Variants in MKLN1 observed in about 807,000 individuals in gnomAD.
MKLN1 encodes muskelin 1.
MKLN1 carries 18 observed loss-of-function variants against 99.0 expected under a neutral mutation model. That is an observed-to-expected ratio of 0.18 (90% CI 0.13 to 0.27). MKLN1 has a LOEUF of 0.27. Ranked by LOEUF, MKLN1 falls within the 10% of genes least tolerant of loss-of-function variation. The probability of loss-of-function intolerance (pLI) is 1.00; values close to 1 mark genes in which losing one functional copy is unlikely to be tolerated. For synonymous variants in MKLN1, 288 were observed against 293.2 expected (o/e 0.98, Z 0.18); for missense variants, 621 against 875.9 (o/e 0.71, Z 3.67).
chr7:131,211,539 T>TG (rs1796906045), intron 3 of MKLN1, among the ~76,000 whole-genome samples: 1 of 152,146 alleles, frequency 6.6e-6, no homozygotes, highest in Non-Finnish European at 1.5e-5. Context: ...CCATGATGCT[T>TG]GGGGTTTTTG....
At chr7:131,141,809 G>GAA (rs1435416709) in intron 1 of MKLN1, among the ~76,000 whole-genome samples, 3 of 152,134 alleles carry the variant, frequency 2.0e-5, no homozygotes, top group African/African-American at 7.2e-5. Flanking sequence ...TATCACAGCT[G>GAA]ACTTTCCTGT....
At chr7:131,452,401 A>G (rs1796205462) in intron 12 of MKLN1, among the ~76,000 whole-genome samples, 1 of 152,154 alleles carries the variant, frequency 6.6e-6, no homozygotes, top group African/African-American at 2.4e-5. Context: ...AACTTGATTT[A>G]TCTATAAATA....
At chr7:131,262,447 G>T (rs540669319) in intron 3 of MKLN1, among the ~76,000 whole-genome samples, 5 of 152,056 alleles carry the variant, frequency 3.3e-5, no homozygotes, top group Middle Eastern at 3.4e-3. Context: ...AAAAATAAAA[G>T]AAAAGAATAA....
intron 2 of MKLN1, among the ~76,000 whole-genome samples, chr7:131,173,320 CAT>C (rs1312429661): frequency 1.3e-5 from 2 of 152,124 alleles, no homozygotes; most frequent in Non-Finnish European, 2.9e-5. Flanking sequence ...CATTCTGACT[CAT>C]GTGAAATGAT....
In MKLN1 at chr7:131,255,880, CTATTTATTTATTTATTTATT is replaced by C. The variant is rs3077583; in HGVS notation, c.-179+52928_-179+52947del. 4.4e-5 allele frequency among the ~76,000 whole-genome samples: 6 copies of C among 135,276 alleles called. No homozygotes were observed. The South Asian group carries it at 7.6e-4, about 17-fold the overall frequency. The allele number at this position is 135,276 out of a possible 152,430, so 88.7% of individuals were successfully genotyped here. A position where few individuals can be genotyped will look rare whatever the true frequency, so the allele number is the denominator to read the frequency against. ...ACAGGTGTGAGCCACTGTGCCCGAC[CTATTTATTTATTTATTTATT>C]TATTTATTTATTTATTTATTTTGGA... On this transcript the variant is annotated intron_variant, in intron 3 of 7. Transcript: ENST00000416992.
At chr7:131,465,267 A>G (rs1796625315) in intron 14 of MKLN1, among the ~76,000 whole-genome samples, 1 of 152,146 alleles carries the variant, frequency 6.6e-6, no homozygotes. Context: ...ATGCTTTTGT[A>G]TACATACAGA....
At chr7:131,365,526 G>A (rs569707792) in intron 1 of MKLN1, among the ~76,000 whole-genome samples, 15 of 152,200 alleles carry the variant, frequency 9.9e-5, no homozygotes, top group South Asian at 2.1e-4. Context: ...CTGTTCTTAC[G>A]TCCAGGGTGG....
chr7:131,243,020 T>C (rs1328564319), intron 3 of MKLN1: 7 of 570,298 alleles, frequency 1.2e-5, no homozygotes, highest in Non-Finnish European at 2.3e-5. Flanking sequence ...GTTTTGGTCA[T>C]TAAAAATTAA....
At chr7:131,439,359 T>C (rs1407253374) in intron 10 of MKLN1, among the ~76,000 whole-genome samples, 1 of 152,176 alleles carries the variant, frequency 6.6e-6, no homozygotes, top group Non-Finnish European at 1.5e-5. Context: ...GTGTGGCCTT[T>C]GTTTCTCTTG....
intron 8 of MKLN1, among the ~76,000 whole-genome samples, chr7:131,423,108 C>T (rs1288234743): frequency 6.6e-6 from 1 of 152,052 alleles, no homozygotes; most frequent in East Asian, 1.9e-4. Flanking sequence ...TAGGCTGTTC[C>T]TTGTTGTGTA....
chr7:131,323,150 T>C (rs911632090), upstream of MKLN1, among the ~76,000 whole-genome samples: 3 of 152,140 alleles, frequency 2.0e-5, no homozygotes, highest in Admixed American at 6.5e-5. Context: ...TTGTTCCTTC[T>C]GCTCTAAATT....
chr7:131,201,599 T>G lies in MKLN1; in HGVS notation c.-296-1258T>G, dbSNP rs1451402878. ...TTTTTACAATTAGAATCATCATCCG[T>G]CTTGTATACTGTATCTACTTTGGTG... is the stretch of plus-strand genomic sequence containing the variant. On this transcript the variant is annotated intron_variant, in intron 2 of 7. Transcript: ENST00000416992. 5.3e-5 allele frequency among the ~76,000 whole-genome samples: 8 copies of G among 152,328 alleles called. No homozygotes were observed. The East Asian group carries it at 1.5e-3, about 29-fold the overall frequency.
chr7:131,169,764 C>T (rs974661677), intron 2 of MKLN1, among the ~76,000 whole-genome samples: 5 of 152,122 alleles, frequency 3.3e-5, no homozygotes, highest in African/African-American at 9.7e-5. Context: ...TTTAATAACT[C>T]ATTTATTTTC....
chr7:131,423,698 T>C (rs189931295), intron 8 of MKLN1, among the ~76,000 whole-genome samples: 16 of 152,330 alleles, frequency 1.1e-4, no homozygotes, highest in African/African-American at 3.6e-4. Context: ...TAAAGAAACT[T>C]TTGAAGAGAG....
intron 12 of MKLN1, among the ~76,000 whole-genome samples, chr7:131,456,171 T>A (rs540773930): frequency 6.6e-6 from 1 of 152,306 alleles, no homozygotes; most frequent in African/African-American, 2.4e-5. Flanking sequence ...AAAGCTGCTT[T>A]CTTGGTTTTG....
At chr7:131,116,877 G>C (rs1176369578) in intron 1 of MKLN1, among the ~76,000 whole-genome samples, 2 of 152,122 alleles carry the variant, frequency 1.3e-5, no homozygotes, top group African/African-American at 4.8e-5. Context: ...GCCAGGCTGG[G>C]AAGCAGGCAC....
intron 1 of MKLN1, among the ~76,000 whole-genome samples, chr7:131,138,018 C>G (rs552865935): frequency 1.3e-5 from 2 of 151,018 alleles, no homozygotes; most frequent in South Asian, 4.2e-4. Context: ...CTCCGCCTCC[C>G]GGGTTCAAGT....
At chr7:131,382,030 C>T (rs1006367313) in intron 2 of MKLN1, among the ~76,000 whole-genome samples, 4 of 152,222 alleles carry the variant, frequency 2.6e-5, no homozygotes, top group South Asian at 4.1e-4. Flanking sequence ...AACATTGAAT[C>T]GTTTTCCAAT....
chr7:131,216,663 A>G (rs1796987345), intron 3 of MKLN1, among the ~76,000 whole-genome samples: 1 of 152,128 alleles, frequency 6.6e-6, no homozygotes, highest in African/African-American at 2.4e-5. Context: ...ACCAAACACA[A>G]TGCTACTCAA....
Sources: allele counts gnomAD v4.1 joint callset (sites outside exome capture counted in the v4.1 genomes callset), GRCh38; gene constraint gnomAD v4.1.1; transcripts MANE v1.5; gene names NCBI Gene and HGNC (gene_info 2026-07-23, HGNC 2026-07-21).